Variants in TCERG1 observed in about 807,000 individuals in gnomAD.
TCERG1 encodes the protein transcription elongation regulator 1.
In TCERG1, 37 loss-of-function variants were observed where a neutral mutation model predicts 144.7. The observed-to-expected ratio is 0.26, with a 90% CI of 0.20 to 0.34. The LOEUF is 0.34. Ranked by LOEUF, TCERG1 falls within the 10% of genes least tolerant of loss-of-function variation. TCERG1 has a pLI of 1.00. For missense variants in TCERG1, 1,027 were observed against 1,380.7 expected, an observed-to-expected ratio of 0.74 and a Z score of 4.06; for synonymous variants, 492 against 458.2, an observed-to-expected ratio of 1.07 and a Z score of -0.94.
At chr5:146,461,232 T>A (rs1763301523) in intron 4 of TCERG1, among the ~76,000 whole-genome samples, 1 of 152,132 alleles carries the variant, frequency 6.6e-6, no homozygotes, top group African/African-American at 2.4e-5. Flanking sequence ...TATAGCAAAA[T>A]CATATTCTTT....
intron 9 of TCERG1, among the ~76,000 whole-genome samples, chr5:146,471,997 A>G (rs1174108441): frequency 1.3e-5 from 2 of 152,172 alleles, no homozygotes; most frequent in African/African-American, 2.4e-5. Flanking sequence ...GTTTTTATCT[A>G]CTGAATATTT....
chr5:146,478,130 C>G (rs1470543565), intron 9 of TCERG1, among the ~76,000 whole-genome samples: 2 of 152,124 alleles, frequency 1.3e-5, no homozygotes, highest in Non-Finnish European at 2.9e-5. Context: ...TATGTCTGTT[C>G]TTTAGCTTTA....
Position 146,463,901 on chromosome 5 carries a change from T to A in TCERG1, c.1135+108T>A, listed in dbSNP as rs1763552487. ...AAATTTGCCTTGAATCTCACCTGTT[T>A]GAAACGTTTTTGAAAGATTCATGGC... On this transcript the variant is annotated intron_variant, in intron 5 of 22. Transcript: ENST00000679501. 1.5e-5 allele frequency: 22 copies of A among 1,470,106 alleles called. No individual in the cohort carries two copies. The South Asian group carries it at 2.9e-4, about 19-fold the overall frequency. 91.1% of individuals were successfully genotyped at this position (1,470,106 alleles called of 1,614,324 possible). A position where few individuals can be genotyped will look rare whatever the true frequency, so the allele number is the denominator to read the frequency against.
chr5:146,470,722 G>C lies in TCERG1; in HGVS notation c.1486G>C (p.Glu496Gln), dbSNP rs551933531. The C allele has an allele frequency of 2.5e-6, 4 of 1,613,434 alleles. No homozygotes were observed. The highest frequency in any genetic ancestry group is 2.2e-5 in the East Asian group (1 of 44,842). Residue 496 changes from glutamate to glutamine, a missense_variant, in exon 8 of 23, where the codon GAA becomes CAA. By Grantham distance (29) the Glu-to-Gln change is conservative. This residue lies in a region of TCERG1 where 482 missense variants were observed against 632.6 expected (regional missense o/e 0.76). Transcript: ENST00000679501. ...PMETEEEDPK[E>Q]EPIKEIKEEP... is the part of the protein sequence containing the mutation. ...GGAGACGGAGGAGGAGGATCCTAAA[G>C]AAGAGCCTATAAAGGAGATAAAGGA...
intron 10 of TCERG1, 81 bp from the exon 11 acceptor site, chr5:146,479,774 G>A (rs1581482289): frequency 7.2e-7 from 1 of 1,383,238 alleles, no homozygotes; most frequent in South Asian, 1.2e-5. Flanking sequence ...AATATATTAT[G>A]TAAACAGTAA....
chr5:146,505,465 C>A (rs991304615), intron 19 of TCERG1: 2 of 99,550 alleles, frequency 2.0e-5, no homozygotes, highest in African/African-American at 7.7e-5. Flanking sequence ...TTCATATTTC[C>A]TTAACACCTT....
chr5:146,503,663 C>T (rs534908192), intron 18 of TCERG1, 124 bp downstream of exon 18: 1 of 1,377,458 alleles, frequency 7.3e-7, no homozygotes, highest in African/African-American at 1.5e-5. Context: ...GTATTCTTAA[C>T]ATAAGAGTCT....
Position 146,458,808 on chromosome 5 carries a change from A to T in TCERG1, c.439-76A>T. ...GTTATTTTTAAATAGCTTTAAAGAT[A>T]AAATATGGTTCCATTCTTGTTTTTA... On this transcript the variant is annotated intron_variant, in intron 3 of 22. Transcript: ENST00000679501. 3.9e-6 allele frequency: 6 copies of T among 1,521,340 alleles called. No homozygotes were observed. In the South Asian group the frequency reaches 7.9e-5, roughly 20 times the overall value. The allele number at this position is 1,521,340 out of a possible 1,614,324, so 94.2% of individuals were successfully genotyped here.
At chr5:146,490,243 A>G (rs901295083) in intron 15 of TCERG1, among the ~76,000 whole-genome samples, 17 of 152,240 alleles carry the variant, frequency 1.1e-4, no homozygotes, top group Admixed American at 9.2e-4. Context: ...TCTGTGGAGG[A>G]TATGTTCCAA....
chr5:146,455,419 A>G, intron 2 of TCERG1, 138 bp downstream of exon 2: 1 of 979,494 alleles, frequency 1.0e-6, no homozygotes, highest in Non-Finnish European at 1.5e-6. Flanking sequence ...CCATATATTA[A>G]TATGTTTCTT....
chr5:146,476,329 A>G (rs1764835674), intron 9 of TCERG1, among the ~76,000 whole-genome samples: 1 of 152,172 alleles, frequency 6.6e-6, no homozygotes, highest in Admixed American at 6.5e-5. Context: ...TGCTGAAAAT[A>G]CTGTTTCTCA....
intron 12 of TCERG1, 78 bp from the exon 13 acceptor site, chr5:146,481,072 C>A: frequency 3.1e-6 from 2 of 648,464 alleles, no homozygotes; most frequent in Non-Finnish European, 3.8e-6. Flanking sequence ...GATGTTCCTA[C>A]GATGTTAAAC....
At chr5:146,454,037 CAAAAAAAA>C (rs56657111) in intron 1 of TCERG1, among the ~76,000 whole-genome samples, 27 of 129,858 alleles carry the variant, frequency 2.1e-4, no homozygotes, top group South Asian at 7.3e-4. Context: ...TACTCAAATA[CAAAAAAAA>C]AAAAAAAAAA....
Position 146,503,523 on chromosome 5 carries a change from T to A in TCERG1, c.2582T>A (p.Ile861Asn). Residue 861 changes from isoleucine to asparagine, a missense_variant, in exon 18 of 23, where the codon ATT becomes AAT. By Grantham distance (149) the Ile-to-Asn change is moderately radical (BLOSUM62 -3). Coordinates refer to ENST00000679501, the MANE Select transcript of TCERG1 (RefSeq NM_001382548.1). The stretch of plus-strand genomic sequence containing the variant: ...AGAGAAGACCTTTTCAAACAGTACA[T>A]TGAAAAAATAGCCAAGGTAACTGTT... ...SMREDLFKQY[I>N]EKIAKNLDSE... The A allele has an allele frequency of 6.2e-7, 1 of 1,613,124 alleles. No homozygotes were observed. Among genetic ancestry groups the A allele is most frequent in the African/African-American group, 1.3e-5 (1 of 74,960 alleles).
chr5:146,504,384 G>A (rs1461417805), intron 19 of TCERG1: 2 of 156,772 alleles, frequency 1.3e-5, no homozygotes, highest in Admixed American at 1.3e-4. Flanking sequence ...GTGATGATCA[G>A]TTATACTTGC....
At chr5:146,506,726 T>C (rs1032427464) in intron 19 of TCERG1, among the ~76,000 whole-genome samples, 4 of 152,192 alleles carry the variant, frequency 2.6e-5, no homozygotes, top group African/African-American at 9.7e-5. Flanking sequence ...GTTCAACTTT[T>C]TTGGATTCCA....
intron 5 of TCERG1, among the ~76,000 whole-genome samples, chr5:146,467,901 G>A (rs1443992341): frequency 2.0e-5 from 3 of 152,208 alleles, no homozygotes; most frequent in Non-Finnish European, 4.4e-5. Flanking sequence ...CCATGCCTCA[G>A]CTCCTGCATG....
chr5:146,501,726 A>C (rs1206001140), intron 17 of TCERG1, among the ~76,000 whole-genome samples: 1 of 152,138 alleles, frequency 6.6e-6, no homozygotes, highest in Non-Finnish European at 1.5e-5. Flanking sequence ...GTCTGGAAAT[A>C]CTGGGTTTAT....
At chr5:146,450,674 A>G (rs543050413) in intron 1 of TCERG1, among the ~76,000 whole-genome samples, 5 of 152,326 alleles carry the variant, frequency 3.3e-5, no homozygotes, top group Admixed American at 2.6e-4. Flanking sequence ...AGCCCAGCCC[A>G]TGTTCTGTGC....
Sources: allele counts gnomAD v4.1 joint callset (sites outside exome capture counted in the v4.1 genomes callset), GRCh38; gene constraint gnomAD v4.1.1; regional missense constraint gnomAD v4.1.1; transcripts MANE v1.5; gene names NCBI Gene and HGNC (gene_info 2026-07-23, HGNC 2026-07-21).